The following ERBB4 variants were observed in gnomAD, a reference collection of about 807,000 sequenced individuals.
ERBB4 encodes erb-b2 receptor tyrosine kinase 4.
In ERBB4, 42 loss-of-function variants were observed where a neutral mutation model predicts 158.0. The observed-to-expected ratio is 0.27, with a 90% CI of 0.21 to 0.34. The LOEUF (loss-of-function observed/expected upper bound fraction) is 0.34, where lower values mean the gene tolerates loss of function less well. Among genes scored for constraint, ERBB4 ranks in the 10% least tolerant of loss-of-function variants. The pLI, the probability that ERBB4 is intolerant of heterozygous loss-of-function variation, is 1.00. For synonymous variants in ERBB4, 583 were observed against 558.7 expected (o/e 1.04, Z -0.61); for missense variants, 1,333 against 1,624.1 (o/e 0.82, Z 3.08).
At chr2:211,442,124 T>G (rs181109067) in intron 20 of ERBB4, among the ~76,000 whole-genome samples, 111 of 152,254 alleles carry the variant, frequency 7.3e-4, no homozygotes, top group African/African-American at 2.6e-3. Context: ...TTCTTCACCT[T>G]GAACTCTATG....
chr2:211,683,226 G>A (rs2072427349), intron 12 of ERBB4, among the ~76,000 whole-genome samples: 2 of 151,970 alleles, frequency 1.3e-5, no homozygotes, highest in South Asian at 4.1e-4. Flanking sequence ...TTATAGTACA[G>A]TAACACAACC....
intron 1 of ERBB4, among the ~76,000 whole-genome samples, chr2:212,497,188 A>AC (rs1481476913): frequency 2.4e-4 from 36 of 151,974 alleles, no homozygotes; most frequent in African/African-American, 7.7e-4. Context: ...CAAAAAAAAA[A>AC]AAAAAAAAAC....
intron 3 of ERBB4, among the ~76,000 whole-genome samples, chr2:211,869,412 A>G (rs142504526): frequency 9.0e-4 from 137 of 152,300 alleles, no homozygotes; most frequent in Middle Eastern, 3.4e-3. Context: ...ATTTCATCTA[A>G]CATGATATTT....
At chr2:211,622,619 AACT>A (rs2069647064) in intron 18 of ERBB4, among the ~76,000 whole-genome samples, 1 of 152,088 alleles carries the variant, frequency 6.6e-6, no homozygotes, top group Non-Finnish European at 1.5e-5. Context: ...AGATCCAATT[AACT>A]TTAACAGATA....
At position 212,062,396 on chromosome 2, in the gene ERBB4, A is replaced by ATTT. The variant is rs1559419685; in HGVS notation, c.234+62355_234+62356insAAA. Among the ~76,000 whole-genome samples, 96 of 96,526 alleles carry ATTT rather than the reference A, an allele frequency of 9.9e-4. 5 individuals carry two copies. The highest frequency in any genetic ancestry group is 1.7e-3 in the South Asian group (5 of 2,894). 63.3% of individuals were successfully genotyped at this position (96,526 alleles called of 152,430 possible). On this transcript the variant is annotated intron_variant, in intron 2 of 27. Coordinates refer to ENST00000342788, the MANE Select transcript of ERBB4 (RefSeq NM_005235.3). ...CTCCTACTACTCTTCTCACTTGTCA[A>ATTT]TTCTTTTTTTTTTTTTTTTTTTTTT... is the stretch of plus-strand genomic sequence containing the variant.
At chr2:212,119,912 A>T (rs962134518) in intron 2 of ERBB4, among the ~76,000 whole-genome samples, 1 of 152,190 alleles carries the variant, frequency 6.6e-6, no homozygotes, top group Non-Finnish European at 1.5e-5. Flanking sequence ...CTTCAATTCA[A>T]TTGCAAAGGC....
intron 3 of ERBB4, among the ~76,000 whole-genome samples, chr2:211,931,382 G>A (rs2080170961): frequency 6.6e-6 from 1 of 151,960 alleles, no homozygotes; most frequent in South Asian, 2.1e-4. Context: ...CCTAATAGAG[G>A]TCCCTAGATA....
intron 19 of ERBB4, among the ~76,000 whole-genome samples, chr2:211,611,585 G>C (rs183996761): frequency 1.2e-4 from 18 of 152,052 alleles, no homozygotes; most frequent in Admixed American, 7.9e-4. Context: ...ACCTTCAATC[G>C]AAAGAAGAAT....
Position 212,346,733 on chromosome 2 carries a change from T to C in ERBB4, c.82+191716A>G, listed in dbSNP as rs538307478. ...ATGTTTCATAACTTTTCTAGATCTA[T>C]CACACAATATGTGTTGAAACTTTAA... is the stretch of plus-strand genomic sequence containing the variant. On this transcript the variant is annotated intron_variant, in intron 1 of 27. Coordinates refer to ENST00000342788, the MANE Select transcript of ERBB4 (RefSeq NM_005235.3). Among the ~76,000 whole-genome samples, 186 of 152,212 alleles carry C rather than the reference T, an allele frequency of 1.2e-3. 1 individual carries two copies. The highest frequency in any genetic ancestry group is 2.1e-3 in the Non-Finnish European group (140 of 67,958).
chr2:211,533,775 A>G (rs995174541), intron 20 of ERBB4, among the ~76,000 whole-genome samples: 8 of 152,056 alleles, frequency 5.3e-5, no homozygotes, highest in Non-Finnish European at 1.2e-4. Context: ...GACTATTTGT[A>G]TTTTCTTTTA....
intron 1 of ERBB4, among the ~76,000 whole-genome samples, chr2:212,355,711 G>A (rs370862819): frequency 3.3e-5 from 5 of 151,766 alleles, no homozygotes; most frequent in South Asian, 2.1e-4. Flanking sequence ...TAACTAAAAC[G>A]TATCCTTTAA....
chr2:211,640,734 T>C (rs1470989754), intron 16 of ERBB4, among the ~76,000 whole-genome samples: 1 of 152,166 alleles, frequency 6.6e-6, no homozygotes, highest in African/African-American at 2.4e-5. Context: ...GAAAATTAGT[T>C]TAGCTGACTG....
At chr2:211,763,634 T>A (rs548612032) in intron 4 of ERBB4, among the ~76,000 whole-genome samples, 29 of 152,252 alleles carry the variant, frequency 1.9e-4, no homozygotes, top group Non-Finnish European at 3.4e-4. Flanking sequence ...ACAGCCTTCC[T>A]TTTTTATTAT....
intron 25 of ERBB4, among the ~76,000 whole-genome samples, chr2:211,396,613 A>G (rs915744666): frequency 1.3e-5 from 2 of 152,158 alleles, no homozygotes; most frequent in African/African-American, 4.8e-5. Flanking sequence ...GTATTGGAGG[A>G]TGGAGAACAA....
intron 20 of ERBB4, among the ~76,000 whole-genome samples, chr2:211,444,195 G>A (rs115733308): frequency 0.016 from 2,435 of 151,354 alleles, 64 homozygotes; most frequent in African/African-American, 0.055. Flanking sequence ...AGAAAATAGA[G>A]ATGATAAGAA....
At chr2:212,259,595 A>T (rs910913092) in intron 1 of ERBB4, among the ~76,000 whole-genome samples, 3 of 152,222 alleles carry the variant, frequency 2.0e-5, no homozygotes, top group Non-Finnish European at 2.9e-5. Context: ...TAACAATCTA[A>T]ACATTTAATA....
intron 1 of ERBB4, among the ~76,000 whole-genome samples, chr2:212,357,791 T>C (rs1224776267): frequency 2.0e-5 from 3 of 151,890 alleles, no homozygotes; most frequent in Non-Finnish European, 2.9e-5. Flanking sequence ...GTTACTACAT[T>C]ACACTGCAAG....
Position 212,003,215 on chromosome 2 carries a change from A to AAGACAGAC in ERBB4, c.235-55600_235-55599insGTCTGTCT, listed in dbSNP as rs1559294215. Among the ~76,000 whole-genome samples the AAGACAGAC allele has an allele frequency of 3.0e-3, 144 of 47,240 alleles. 7 individuals are homozygous for AAGACAGAC. The highest frequency in any genetic ancestry group is 7.2e-3 in the African/African-American group (134 of 18,646). The allele number at this position is 47,240 out of a possible 152,430, so 31.0% of individuals were successfully genotyped here. A position where few individuals can be genotyped will look rare whatever the true frequency, so the allele number is the denominator to read the frequency against. ...AAAGAAAGAAAGAAAGACAGAAAGA[A>AAGACAGAC]GGAAGGAAGGAAGGAAGGAAGGAAG... On this transcript the variant is annotated intron_variant, in intron 2 of 27. Coordinates refer to ENST00000342788, the MANE Select transcript of ERBB4 (RefSeq NM_005235.3).
In ERBB4 at chr2:212,003,204, AGACAGAAAGAAGGAAG is replaced by A. The variant is rs1207410585; in HGVS notation, c.235-55604_235-55589del. Among the ~76,000 whole-genome samples the A allele has an allele frequency of 9.5e-3, 464 of 48,674 alleles. 14 individuals are homozygous for A. The highest frequency in any genetic ancestry group is 0.022 in the Middle Eastern group (2 of 92). 31.9% of individuals were successfully genotyped at this position (48,674 alleles called of 152,430 possible). A position where few individuals can be genotyped will look rare whatever the true frequency, so the allele number is the denominator to read the frequency against. On this transcript the variant is annotated intron_variant, in intron 2 of 27. Transcript: ENST00000342788. ...AAGAAAGAAAGAAAGAAAGAAAGAA[AGACAGAAAGAAGGAAG>A]GAAGGAAGGAAGGAAGGAAGGAAGG...
Sources: gnomAD v4.1 joint callset for allele counts (sites outside exome capture counted in the v4.1 genomes callset) on GRCh38, gnomAD v4.1.1 for gene constraint, MANE v1.5 for transcripts, NCBI Gene and HGNC (gene_info 2026-07-23, HGNC 2026-07-21) for gene names.